The following SV2C variants were observed in gnomAD, a reference collection of about 807,000 sequenced individuals.
The protein encoded by SV2C is solute carrier family 22 member B3.
SV2C carries 49 observed loss-of-function variants against 79.7 expected under a neutral mutation model. The ratio of observed to expected loss-of-function variants is 0.61; its 90% CI spans 0.49 to 0.78. SV2C has a LOEUF of 0.78. SV2C is among the 30% of genes least tolerant of loss of function. The pLI, the probability that SV2C is intolerant of heterozygous loss-of-function variation, is 0.00. For missense variants in SV2C, 833 were observed against 912.9 expected, an observed-to-expected ratio of 0.91 and a Z score of 1.13; for synonymous variants, 334 against 333.2, an observed-to-expected ratio of 1.00 and a Z score of -0.03.
At chr5:76,127,236 G>A (rs1748734333) in intron 1 of SV2C, among the ~76,000 whole-genome samples, 1 of 152,184 alleles carries the variant, frequency 6.6e-6, no homozygotes. Context: ...GTGTGTTGGG[G>A]GTTGTGTAGG....
chr5:76,034,190 G>A, the SV2C span, among the ~76,000 whole-genome samples: 2 of 151,534 alleles, frequency 1.3e-5, no homozygotes, highest in Admixed American at 1.3e-4. Context: ...CATGTCATCT[G>A]CAAACAGGGA....
chr5:75,856,184 C>T, the SV2C span, among the ~76,000 whole-genome samples: 1 of 152,148 alleles, frequency 6.6e-6, no homozygotes, highest in African/African-American at 2.4e-5. Flanking sequence ...TTTTCCTTAT[C>T]CTTTCATCTG....
intron 4 of SV2C, among the ~76,000 whole-genome samples, chr5:76,271,616 CTTTTTTT>C (rs34458409): frequency 4.2e-5 from 4 of 96,062 alleles, no homozygotes; most frequent in African/African-American, 7.8e-5. Context: ...AGCATGTGTT[CTTTTTTT>C]TTTTTTTTTT....
chr5:75,897,893 G>T, the SV2C span, among the ~76,000 whole-genome samples: 16 of 152,036 alleles, frequency 1.1e-4, no homozygotes, highest in African/African-American at 3.6e-4. Flanking sequence ...GTATAAGAAT[G>T]CTTGTGATTT....
chr5:76,178,992 T>C (rs1201566319), intron 2 of SV2C, among the ~76,000 whole-genome samples: 1 of 152,236 alleles, frequency 6.6e-6, no homozygotes, highest in Non-Finnish European at 1.5e-5. Flanking sequence ...TGTAGCCTCA[T>C]GGAGTTTCAG....
chr5:75,902,143 C>T, the SV2C span, among the ~76,000 whole-genome samples: 1 of 152,182 alleles, frequency 6.6e-6, no homozygotes, highest in Non-Finnish European at 1.5e-5. Flanking sequence ...GAACCCGGTA[C>T]CTCAGATGGA....
chr5:76,289,712 T>G (rs2112502481), intron 6 of SV2C, among the ~76,000 whole-genome samples: 1 of 152,316 alleles, frequency 6.6e-6, no homozygotes, highest in African/African-American at 2.4e-5. Flanking sequence ...AGTTTCCCGG[T>G]GCACTATTTT....
At chr5:75,950,075 G>A in the SV2C span, among the ~76,000 whole-genome samples, 1 of 152,022 alleles carries the variant, frequency 6.6e-6, no homozygotes, top group Non-Finnish European at 1.5e-5. Context: ...TCTTGATGTA[G>A]CTCCCAGGGA....
chr5:76,009,436 T>A, the SV2C span, among the ~76,000 whole-genome samples: 1 of 152,202 alleles, frequency 6.6e-6, no homozygotes, highest in South Asian at 2.1e-4. Flanking sequence ...AAACAAATAG[T>A]TCTATCAAAA....
At chr5:76,237,149 A>G (rs75165061) in intron 4 of SV2C, among the ~76,000 whole-genome samples, 6,265 of 152,276 alleles carry the variant, frequency 0.041, 331 homozygotes, top group African/African-American at 0.12. Context: ...GTATTTCTTC[A>G]TAGCAGTGTG....
intron 4 of SV2C, among the ~76,000 whole-genome samples, chr5:76,213,937 A>G (rs75286772): frequency 0.042 from 6,385 of 152,126 alleles, 431 homozygotes; most frequent in East Asian, 0.26. Context: ...AACTTTTCAG[A>G]TTTCACATAT....
chr5:75,984,598 C>CTATCTATCTATCTACCTAT, the SV2C span, among the ~76,000 whole-genome samples: 3 of 82,430 alleles, frequency 3.6e-5, no homozygotes, highest in African/African-American at 1.2e-4. Context: ...TATCTATCTA[C>CTATCTATCTATCTACCTAT]CTATCTATCT....
At chr5:76,259,398 G>T (rs988617727) in intron 4 of SV2C, among the ~76,000 whole-genome samples, 3 of 152,176 alleles carry the variant, frequency 2.0e-5, no homozygotes, top group Admixed American at 6.5e-5. Context: ...TTTCTCTGAA[G>T]ACTAATGGTG....
intron 9 of SV2C, 85 bp downstream of exon 9, chr5:76,296,027 A>G (rs1035599478): frequency 3.8e-6 from 5 of 1,331,364 alleles, no homozygotes; most frequent in Non-Finnish European, 5.0e-6. Context: ...AAACAGGCAT[A>G]GTTTTTTGTT....
At chr5:75,856,680 A>G in the SV2C span, among the ~76,000 whole-genome samples, 416 of 152,298 alleles carry the variant, frequency 2.7e-3, 5 homozygotes, top group African/African-American at 9.5e-3. Context: ...AGCACCTTAC[A>G]TATTCTAGGT....
intron 4 of SV2C, among the ~76,000 whole-genome samples, chr5:76,274,398 G>A (rs1173058691): frequency 6.6e-6 from 1 of 151,584 alleles, no homozygotes; most frequent in East Asian, 1.9e-4. Flanking sequence ...TAGTTTAGTG[G>A]GTTTTCCTCC....
intron 6 of SV2C, among the ~76,000 whole-genome samples, chr5:76,289,501 A>G (rs1747475593): frequency 6.6e-6 from 1 of 152,170 alleles, no homozygotes; most frequent in South Asian, 2.1e-4. Context: ...TCATTGCCCT[A>G]AATTTCATCA....
At chr5:76,047,588 A>G in the SV2C span, among the ~76,000 whole-genome samples, 3 of 152,300 alleles carry the variant, frequency 2.0e-5, no homozygotes, top group Admixed American at 2.0e-4. Context: ...TGAAAAGAAA[A>G]AAATATTATG....
the SV2C span, among the ~76,000 whole-genome samples, chr5:75,891,924 C>T: frequency 6.6e-6 from 1 of 152,130 alleles, no homozygotes; most frequent in East Asian, 1.9e-4. Flanking sequence ...TGCAATGGTC[C>T]CTGGTCCATT....
Sources: allele counts gnomAD v4.1 joint callset (sites outside exome capture counted in the v4.1 genomes callset), GRCh38; gene constraint gnomAD v4.1.1; transcripts MANE v1.5; gene names NCBI Gene and HGNC (gene_info 2026-07-23, HGNC 2026-07-21).